Variants in AJAP1 observed in about 807,000 individuals in gnomAD.
The protein encoded by AJAP1 is adherens junctions associated protein 1.
Under a neutral mutation model 35.0 loss-of-function variants are expected in AJAP1, and 5 were observed. The observed-to-expected ratio is 0.14, with a 90% CI of 0.07 to 0.30. The LOEUF (loss-of-function observed/expected upper bound fraction) is 0.30, where lower values mean the gene tolerates loss of function less well. AJAP1 is among the 10% of genes least tolerant of loss of function. The pLI, the probability that AJAP1 is intolerant of heterozygous loss-of-function variation, is 1.00. For synonymous variants in AJAP1, 284 were observed against 249.3 expected (o/e 1.14, Z -1.31); for missense variants, 586 against 571.0 (o/e 1.03, Z -0.27).
intron 2 of AJAP1, among the ~76,000 whole-genome samples, chr1:4,721,706 A>G (rs1340872905): frequency 2.0e-5 from 3 of 152,190 alleles, no homozygotes; most frequent in Non-Finnish European, 4.4e-5. Context: ...TTGGGCAAAG[A>G]TGGCTAAAGG....
chr1:4,756,962 C>T (rs1261900929), intron 2 of AJAP1, among the ~76,000 whole-genome samples: 1 of 152,192 alleles, frequency 6.6e-6, no homozygotes, highest in Non-Finnish European at 1.5e-5. Context: ...CATGCAGCCA[C>T]ACCTGCCTGC....
chr1:4,769,450 C>A (rs1454843678), intron 2 of AJAP1, among the ~76,000 whole-genome samples: 1 of 152,168 alleles, frequency 6.6e-6, no homozygotes, highest in Non-Finnish European at 1.5e-5. Context: ...GCGAGACTGG[C>A]CCAGGGTGTG....
intron 1 of AJAP1, among the ~76,000 whole-genome samples, chr1:4,690,276 A>G (rs1639709169): frequency 1.3e-5 from 2 of 152,276 alleles, no homozygotes; most frequent in South Asian, 4.1e-4. Flanking sequence ...TTCCTGAGGC[A>G]GGGCTGCTGC....
chr1:4,790,747 G>A lies in AJAP1; in HGVS notation c.*8262G>A, dbSNP rs374743156. On this transcript the variant is annotated 3_prime_UTR_variant, in exon 6 of 6. Coordinates refer to ENST00000378191, the MANE Select transcript of AJAP1 (RefSeq NM_018836.4). ...GGTGACACACAGAGGTTCAGCAGAC[G>A]TCTCAGGATCTGTCATATGTCATGT... 21 of 152,304 alleles carry A rather than the reference G, an allele frequency of 1.4e-4. No homozygotes were observed. The highest frequency in any genetic ancestry group is 4.3e-4 in the African/African-American group (18 of 41,572). 9.4% of individuals were successfully genotyped at this position (152,304 alleles called of 1,614,324 possible).
At position 4,669,252 on chromosome 1, in the gene AJAP1, CTT is replaced by C. The variant is rs1016297785; in HGVS notation, c.29+13799_29+13800del. ...GAAACCACTTACCTACTTCCTGTGT[CTT>C]CAGTATGGCCTGTTTTGGACATTTT... On this transcript the variant is annotated intron_variant, in intron 1 of 5. Coordinates refer to ENST00000378191, the MANE Select transcript of AJAP1 (RefSeq NM_018836.4). Among the ~76,000 whole-genome samples the C allele has an allele frequency of 4.5e-4, 69 of 152,146 alleles. 1 individual carries two copies. The highest frequency in any genetic ancestry group is 4.5e-3 in the Admixed American group (69 of 15,282).
chr1:4,737,788 G>C (rs61765058), intron 2 of AJAP1, among the ~76,000 whole-genome samples: 4,181 of 152,326 alleles, frequency 0.027, 86 homozygotes, highest in Middle Eastern at 0.044. Flanking sequence ...TGTGGTCCCA[G>C]CTACTCGAGA....
chr1:4,754,184 G>T (rs1641378277), intron 2 of AJAP1, among the ~76,000 whole-genome samples: 3 of 152,132 alleles, frequency 2.0e-5, no homozygotes, highest in African/African-American at 7.2e-5. Flanking sequence ...AAGGATAACG[G>T]TTTGCAACAC....
chr1:4,672,035 G>A (rs963965911), intron 1 of AJAP1, among the ~76,000 whole-genome samples: 2 of 152,192 alleles, frequency 1.3e-5, no homozygotes, highest in African/African-American at 2.4e-5. Context: ...GGGCGCAGTC[G>A]CGTCTGAGAC....
In AJAP1 at chr1:4,689,582, C is replaced by T. The variant is rs146403140; in HGVS notation, c.30-22318C>T. On this transcript the variant is annotated intron_variant, in intron 1 of 5. Transcript: ENST00000378191. The stretch of plus-strand genomic sequence containing the variant: ...TGCAGGATGGGGGTGCCTGGATGGC[C>T]TGGTCTTGGTTTCAGCTCCGTGGGT... 4.8e-3 allele frequency among the ~76,000 whole-genome samples: 733 copies of T among 152,326 alleles called. 1 individual carries two copies. Among genetic ancestry groups the T allele is most frequent in the Middle Eastern group, 0.034 (10 of 294 alleles).
At chr1:4,666,897 G>C (rs1371225770) in intron 1 of AJAP1, among the ~76,000 whole-genome samples, 1 of 149,084 alleles carries the variant, frequency 6.7e-6, no homozygotes, top group African/African-American at 2.5e-5. Flanking sequence ...TCACGGGAGG[G>C]TTATGGAGAG....
At chr1:4,725,738 C>T (rs987185033) in intron 2 of AJAP1, among the ~76,000 whole-genome samples, 3 of 152,072 alleles carry the variant, frequency 2.0e-5, no homozygotes, top group South Asian at 2.1e-4. Context: ...GTCAGGGTGT[C>T]GGGAGGGCCG....
At chr1:4,779,526 T>G (rs1008581204) in intron 5 of AJAP1, among the ~76,000 whole-genome samples, 1 of 152,064 alleles carries the variant, frequency 6.6e-6, no homozygotes, top group African/African-American at 2.4e-5. Flanking sequence ...GGTTGGAAGC[T>G]GCTCCTCCGG....
chr1:4,663,487 A>G (rs1639048573), intron 1 of AJAP1, among the ~76,000 whole-genome samples: 1 of 152,222 alleles, frequency 6.6e-6, no homozygotes, highest in African/African-American at 2.4e-5. Flanking sequence ...CAACTGCATA[A>G]GAGGGAGAAA....
chr1:4,782,459 G>C lies in AJAP1; in HGVS notation c.*60-86G>C. 3.5e-6 allele frequency: 1 copy of C among 286,810 alleles called. No homozygotes were observed. The highest frequency in any genetic ancestry group is 2.1e-5 in the African/African-American group (1 of 46,574). The allele number at this position is 286,810 out of a possible 1,614,324, so 17.8% of individuals were successfully genotyped here. A position where few individuals can be genotyped will look rare whatever the true frequency, so the allele number is the denominator to read the frequency against. On this transcript the variant is annotated intron_variant, in intron 5 of 5. Transcript: ENST00000378191. This position sits in a 1 kb window ranked among gnomAD's most constrained non-coding sequence, Gnocchi z 5.3. ...CTGCATGCGGGGGTGCTGCGTGTGG[G>C]GGTCCCAGTCGACCGAGAACCCCAC...
rs1323391510 is a variant in AJAP1 at position 4,712,339 on chromosome 1, A to C, written c.469A>C (p.Arg157=). The change falls in exon 2 of 6, where the codon AGG becomes CGG. Residue 157 remains arginine (R), a synonymous_variant. Transcript: ENST00000378191. Reference sequence around the variant, plus strand: ...GCAGGCCCTCCTGAGGAGGGGCAAGAGGCACCTGCAGGGGGACGGTCTCAG... The same window carrying C: ...GCAGGCCCTCCTGAGGAGGGGCAAGCGGCACCTGCAGGGGGACGGTCTCAG... ...EQQALLRRGK[R]HLQGDGLSSF... The C allele has an allele frequency of 8.7e-6, 13 of 1,494,928 alleles. No homozygotes were observed. The highest frequency in any genetic ancestry group is 1.1e-5 in the Non-Finnish European group (12 of 1,120,150). 92.6% of individuals were successfully genotyped at this position (1,494,928 alleles called of 1,614,324 possible).
chr1:4,732,993 T>A (rs563971101), intron 2 of AJAP1, among the ~76,000 whole-genome samples: 10 of 152,284 alleles, frequency 6.6e-5, no homozygotes, highest in African/African-American at 2.4e-4. Flanking sequence ...AAAATAGGAT[T>A]TCTGGACTCT....
chr1:4,792,369 G>C lies in AJAP1; in HGVS notation c.*9884G>C, dbSNP rs978330183. ...GGGCAGGTGGCTGGGTGTGATTTCCGTACAGGTGAACTTTTATTCCAGATT... is the reference window on the plus strand; with the variant it reads ...GGGCAGGTGGCTGGGTGTGATTTCCCTACAGGTGAACTTTTATTCCAGATT... On this transcript the variant is annotated 3_prime_UTR_variant, in exon 6 of 6. Coordinates refer to ENST00000378191, the MANE Select transcript of AJAP1 (RefSeq NM_018836.4). The C allele has an allele frequency of 6.6e-6, 1 of 151,592 alleles. No homozygotes were observed. Among genetic ancestry groups the C allele is most frequent in the Non-Finnish European group, 1.5e-5 (1 of 67,932 alleles). The allele number at this position is 151,592 out of a possible 1,614,324, so 9.4% of individuals were successfully genotyped here. A position where few individuals can be genotyped will look rare whatever the true frequency, so the allele number is the denominator to read the frequency against.
In AJAP1 at chr1:4,782,869, C is replaced by T; in HGVS notation, c.*384C>T. The T allele has an allele frequency of 2.5e-6, 1 of 398,612 alleles. No homozygotes were observed. Among genetic ancestry groups the T allele is most frequent in the South Asian group, 1.3e-4 (1 of 7,860 alleles). 24.7% of individuals were successfully genotyped at this position (398,612 alleles called of 1,614,324 possible). On this transcript the variant is annotated 3_prime_UTR_variant, in exon 6 of 6. Transcript: ENST00000378191. This position sits in a 1 kb window ranked among gnomAD's most constrained non-coding sequence, Gnocchi z 5.3. ...CTAGGATTCGTCCTACGATTCTGAA[C>T]CTGTGCCAATAATACCATTATGTGC... is the stretch of plus-strand genomic sequence containing the variant.
chr1:4,657,783 T>G (rs1008301297), intron 1 of AJAP1, among the ~76,000 whole-genome samples: 1 of 151,968 alleles, frequency 6.6e-6, no homozygotes, highest in African/African-American at 2.4e-5. Context: ...CTTGGTTATT[T>G]ACGTCTGTGT....
Sources: allele counts gnomAD v4.1 joint callset (sites outside exome capture counted in the v4.1 genomes callset), GRCh38; gene constraint gnomAD v4.1.1; non-coding constraint Gnocchi (gnomAD v3.1); transcripts MANE v1.5; gene names NCBI Gene and HGNC (gene_info 2026-07-23, HGNC 2026-07-21).